The following POLD1 variants were observed in gnomAD, a reference collection of about 807,000 sequenced individuals.
POLD1 encodes the protein DNA polymerase delta catalytic subunit.
In POLD1, 79 loss-of-function variants were observed where a neutral mutation model predicts 129.7. The observed-to-expected ratio is 0.61, with a 90% CI of 0.51 to 0.73. The LOEUF is 0.73. POLD1 is among the 30% of genes least tolerant of loss of function. The pLI is 0.00. For missense variants in POLD1, 1,338 were observed against 1,595.8 expected, an observed-to-expected ratio of 0.84 and a Z score of 2.75; for synonymous variants, 714 against 683.3, an observed-to-expected ratio of 1.04 and a Z score of -0.70.
At chr19:50,410,285 C>G (rs1312752387) in intron 17 of POLD1, among the ~76,000 whole-genome samples, 1 of 152,230 alleles carries the variant, frequency 6.6e-6, no homozygotes, top group African/African-American at 2.4e-5. Flanking sequence ...GAAGGGTCTT[C>G]CTGTCCAGCC....
At chr19:50,410,146 G>T (rs921324793) in intron 17 of POLD1, among the ~76,000 whole-genome samples, 1 of 152,152 alleles carries the variant, frequency 6.6e-6, no homozygotes, top group African/African-American at 2.4e-5. Flanking sequence ...GCAGCGTCCC[G>T]GTCTGCCTAC....
chr19:50,398,738 C>T, intron 1 of POLD1, 113 bp from the exon 2 acceptor site: 2 of 1,489,186 alleles, frequency 1.3e-6, no homozygotes, highest in Non-Finnish European at 1.8e-6. Flanking sequence ...TTAGTACAGC[C>T]AGTCCAGAGT....
rs376310864 is a variant in POLD1 at position 50,414,874 on chromosome 19, C to A, written c.2448C>A (p.Ser816=). 1 of 1,607,496 alleles carries A rather than the reference C, an allele frequency of 6.2e-7. No individual in the cohort carries two copies. The highest frequency in any genetic ancestry group is 1.1e-5 in the South Asian group (1 of 90,456). The change falls in exon 20 of 27, where the codon TCC becomes TCA. Residue 816 remains serine, a synonymous_variant. Coordinates refer to ENST00000440232, the MANE Select transcript of POLD1 (RefSeq NM_002691.4). ...KKRYAGLLFS[S]RPDAHDRMDC... ...GCTACGCGGGCCTGCTCTTCTCCTCCCGGCCCGACGCCCACGACCGCATGG... is the reference window on the plus strand; with the variant it reads ...GCTACGCGGGCCTGCTCTTCTCCTCACGGCCCGACGCCCACGACCGCATGG...
rs1443755517 is a variant in POLD1 at position 50,417,338 on chromosome 19, C to G, written c.3218+69C>G. On this transcript the variant is annotated intron_variant, in intron 26 of 26. Coordinates refer to ENST00000440232, the MANE Select transcript of POLD1 (RefSeq NM_002691.4). ...GCTCCCAGGCCTGTGGGTTGTGGAC[C>G]CAACCTCTGACTCCAAGGCCTCTCC... 3 of 1,081,112 alleles carry G rather than the reference C, an allele frequency of 2.8e-6. No homozygotes were observed. The Admixed American group carries it at 6.3e-5, about 23-fold the overall frequency. 67.0% of individuals were successfully genotyped at this position (1,081,112 alleles called of 1,614,324 possible). A position where few individuals can be genotyped will look rare whatever the true frequency, so the allele number is the denominator to read the frequency against.
At chr19:50,392,209 T>C (rs766983070) in intron 1 of POLD1, among the ~76,000 whole-genome samples, 1 of 152,168 alleles carries the variant, frequency 6.6e-6, no homozygotes, top group East Asian at 1.9e-4. Flanking sequence ...TAGCTGGGAC[T>C]GTAGGTATGC....
chr19:50,385,782 G>A (rs1414105499), intron 1 of POLD1, among the ~76,000 whole-genome samples: 5 of 152,056 alleles, frequency 3.3e-5, no homozygotes, highest in Non-Finnish European at 5.9e-5. Context: ...ACTTGCCTCG[G>A]CCTCCCAAAG....
chr19:50,400,246 G>T (rs1254898015), intron 3 of POLD1, among the ~76,000 whole-genome samples: 18 of 107,038 alleles, frequency 1.7e-4, no homozygotes, highest in South Asian at 1.3e-3. Context: ...TTAAGATGGA[G>T]TCTTGCTCCT....
chr19:50,415,778 C>G lies in POLD1; in HGVS notation c.2772C>G (p.Tyr924Ter), dbSNP rs867074778. ...CCAGCCTGGGCGACCGCGTCCCCTA[C>G]GTGATCATCAGTGCCGCCAAGGGTG... ...SAPSLGDRVP[Y>*]VIISAAKGVA... Residue 924 changes from tyrosine (Y) to a stop codon, truncating the protein, a stop_gained, in exon 22 of 27, where the codon TAC (tyrosine) becomes TAG (stop). Transcript: ENST00000440232. LOFTEE classifies it high-confidence loss of function. The G allele has an allele frequency of 6.4e-7, 1 of 1,571,174 alleles. No individual in the cohort carries two copies. The highest frequency in any genetic ancestry group is 8.6e-7 in the Non-Finnish European group (1 of 1,160,744).
chr19:50,390,782 A>C (rs1035114485), intron 1 of POLD1, among the ~76,000 whole-genome samples: 6 of 152,090 alleles, frequency 3.9e-5, no homozygotes, highest in Non-Finnish European at 7.3e-5. Flanking sequence ...ATGACTCTTA[A>C]GGAGCATGCT....
chr19:50,413,721 A>C (rs2122444712), intron 18 of POLD1, 21 bp from the exon 19 acceptor site: 1 of 1,583,472 alleles, frequency 6.3e-7, no homozygotes, highest in East Asian at 2.2e-5. Context: ...TCTCACATAC[A>C]CACATCCCCA....
chr19:50,408,624 C>A, intron 14 of POLD1, 161 bp from the exon 15 acceptor site: 1 of 1,090,838 alleles, frequency 9.2e-7, no homozygotes, highest in Non-Finnish European at 1.3e-6. Flanking sequence ...TTCAAGCGAT[C>A]CTCCTGCCTC....
chr19:50,398,112 G>A (rs554509770), intron 1 of POLD1, among the ~76,000 whole-genome samples: 2 of 152,236 alleles, frequency 1.3e-5, no homozygotes, highest in South Asian at 2.1e-4. Context: ...GACCACCGGG[G>A]AGCCTGGGGA....
At chr19:50,388,282 A>G (rs1288253874) in intron 1 of POLD1, among the ~76,000 whole-genome samples, 3 of 152,188 alleles carry the variant, frequency 2.0e-5, no homozygotes, top group Non-Finnish European at 4.4e-5. Context: ...ACTAAATACC[A>G]TTGAACTATA....
intron 1 of POLD1, among the ~76,000 whole-genome samples, chr19:50,398,640 A>G (rs2038459065): frequency 7.1e-6 from 1 of 140,478 alleles, no homozygotes; most frequent in Non-Finnish European, 1.5e-5. Flanking sequence ...AGGGTCGGGG[A>G]GTCGACGGGG....
intron 1 of POLD1, among the ~76,000 whole-genome samples, chr19:50,397,403 C>CT (rs1212103062): frequency 0.033 from 4,463 of 133,608 alleles, 271 homozygotes; most frequent in African/African-American, 0.11. Flanking sequence ...GAGATTCTGT[C>CT]TTTTTTTTTT....
intron 19 of POLD1, among the ~76,000 whole-genome samples, chr19:50,414,390 C>G (rs1568636278): frequency 6.6e-6 from 1 of 152,270 alleles, no homozygotes; most frequent in Admixed American, 6.5e-5. Context: ...GCCGCCACGC[C>G]CAGTTCTCAC....
At chr19:50,384,342 CAG>C (rs2037891840), upstream of POLD1, 1 of 152,258 alleles carries the variant, frequency 6.6e-6, no homozygotes, top group South Asian at 2.0e-4. Flanking sequence ...GCGCGGGAGT[CAG>C]GGGTCACGGC....
At position 50,416,382 on chromosome 19, in the gene POLD1, C is replaced by T. The variant is rs1405667960; in HGVS notation, c.2821-14C>T. ...TTCCCTGGCTGCCCGGGTGTGACTG[C>T]CATGTGGCCGCAGGACCCGCTGTTC... On this transcript the variant is annotated splice_polypyrimidine_tract_variant and intron_variant, in intron 22 of 26. Transcript: ENST00000440232. 1.3e-6 allele frequency: 2 copies of T among 1,547,992 alleles called. No homozygotes were observed. The highest frequency in any genetic ancestry group is 1.7e-6 in the Non-Finnish European group (2 of 1,146,690).
intron 1 of POLD1, among the ~76,000 whole-genome samples, chr19:50,389,023 G>A (rs1386761065): frequency 6.6e-6 from 1 of 151,490 alleles, no homozygotes; most frequent in Non-Finnish European, 1.5e-5. Flanking sequence ...AGTAAAGATG[G>A]GGTTTCACCA....
Sources: allele counts gnomAD v4.1 joint callset (sites outside exome capture counted in the v4.1 genomes callset), GRCh38; gene constraint gnomAD v4.1.1; transcripts MANE v1.5; gene names NCBI Gene and HGNC (gene_info 2026-07-23, HGNC 2026-07-21).